LYZL1: variants seen among roughly 807,000 people sequenced by gnomAD.
LYZL1 encodes the protein lysozyme-like protein 1.
A neutral mutation model predicts 17.9 loss-of-function variants in LYZL1; 16 were observed. The observed-to-expected ratio is 0.90, with a 90% CI of 0.61 to 1.36. LYZL1 has a LOEUF of 1.36. LYZL1 is among the 40% of genes most tolerant of loss of function. The pLI, the probability that LYZL1 is intolerant of heterozygous loss-of-function variation, is 0.00. For synonymous variants in LYZL1, 58 were observed against 71.8 expected (o/e 0.81, Z 0.97); for missense variants, 149 against 188.4 (o/e 0.79, Z 1.22).
chr10:29,290,879 G>T (rs1835354467), intron 1 of LYZL1, among the ~76,000 whole-genome samples: 1 of 152,064 alleles, frequency 6.6e-6, no homozygotes, highest in Non-Finnish European at 1.5e-5. Flanking sequence ...TACTTTGGAA[G>T]CAAAGCTCCC....
At chr10:29,309,368 A>G (rs1314810635) in intron 3 of LYZL1, among the ~76,000 whole-genome samples, 1 of 151,984 alleles carries the variant, frequency 6.6e-6, no homozygotes, top group Non-Finnish European at 1.5e-5. Context: ...ACAAAACAAA[A>G]CCCTGGATAA....
intron 3 of LYZL1, among the ~76,000 whole-genome samples, chr10:29,297,201 T>C (rs1297293191): frequency 6.6e-6 from 1 of 150,902 alleles, no homozygotes; most frequent in African/African-American, 2.4e-5. Context: ...GAAGATAACA[T>C]TGAAGAAATC....
intron 3 of LYZL1, among the ~76,000 whole-genome samples, chr10:29,295,794 T>C (rs563671057): frequency 6.6e-6 from 1 of 152,292 alleles, no homozygotes; most frequent in South Asian, 2.1e-4. Flanking sequence ...TCACCCATCA[T>C]TGCTGGCTGT....
chr10:29,293,907 G>C (rs935537802), intron 3 of LYZL1, among the ~76,000 whole-genome samples: 1 of 151,966 alleles, frequency 6.6e-6, no homozygotes, highest in African/African-American at 2.4e-5. Flanking sequence ...CCGGGAGGTG[G>C]AGGTTGCAGT....
Position 29,311,203 on chromosome 10 carries a change from A to T in LYZL1, c.*144A>T. ...AAAATTAAGCTATACTTTTAAGAAA[A>T]TAAATATTTCCATTTAAATGTCTTC... On this transcript the variant is annotated 3_prime_UTR_variant, in exon 5 of 5. Coordinates refer to ENST00000649382, the MANE Select transcript of LYZL1 (RefSeq NM_032517.6). The T allele has an allele frequency of 1.3e-6, 2 of 1,584,916 alleles. No individual in the cohort carries two copies. Among genetic ancestry groups the T allele is most frequent in the South Asian group, 2.3e-5 (2 of 87,616 alleles).
At chr10:29,315,929 C>T (rs1176968718), downstream of LYZL1, among the ~76,000 whole-genome samples, 1 of 152,228 alleles carries the variant, frequency 6.6e-6, no homozygotes, top group Non-Finnish European at 1.5e-5. Flanking sequence ...GCTCAGCCCC[C>T]CGGTGATGCT....
Position 29,291,895 on chromosome 10 carries a change from A to G in LYZL1, c.28A>G (p.Ile10Val), listed in dbSNP as rs754886597. The G allele has an allele frequency of 4.5e-5, 71 of 1,592,064 alleles. No individual in the cohort carries two copies. The highest frequency in any genetic ancestry group is 1.8e-4 in the Middle Eastern group (1 of 5,584). The stretch of plus-strand genomic sequence containing the variant: ...GAAGGCTGCGGGCATTCTGACCCTC[A>G]TTGGCTGCCTGGTCACAGGCGCCGA... MKAAGILTL[I>V]GCLVTGAESK... The change falls in exon 2 of 5, where the codon ATT becomes GTT. Residue 10 changes from isoleucine (I) to valine (V), a missense_variant. Coordinates refer to ENST00000649382, the MANE Select transcript of LYZL1 (RefSeq NM_032517.6).
chr10:29,308,612 T>G (rs1257644780), intron 3 of LYZL1, among the ~76,000 whole-genome samples: 4 of 152,224 alleles, frequency 2.6e-5, no homozygotes, highest in Non-Finnish European at 5.9e-5. Context: ...CAGGAAAGAA[T>G]GCGGATATCA....
chr10:29,293,127 C>CTTTTCTTTT (rs1835397932), intron 3 of LYZL1, among the ~76,000 whole-genome samples: 3 of 104,196 alleles, frequency 2.9e-5, no homozygotes, highest in Non-Finnish European at 5.9e-5. Flanking sequence ...CTTTTCTTTT[C>CTTTTCTTTT]TTTTTTCTTT....
rs569845449 is a variant in LYZL1, at chr10:29,296,752, T to G, written c.298+4075T>G. Among the ~76,000 whole-genome samples, 3 of 152,206 alleles carry G rather than the reference T, an allele frequency of 2.0e-5. No individual in the cohort carries two copies. In the East Asian group the frequency reaches 5.8e-4, roughly 29 times the overall value. On this transcript the variant is annotated intron_variant, in intron 3 of 4. Coordinates refer to ENST00000649382, the MANE Select transcript of LYZL1 (RefSeq NM_032517.6). The stretch of plus-strand genomic sequence containing the variant: ...GGATCTGGCCAAATTGAAAGGAAAT[T>G]ACTAATGACTCTGAGTGGGACTCCC...
At chr10:29,296,477 C>G (rs1157353644) in intron 3 of LYZL1, among the ~76,000 whole-genome samples, 1 of 152,184 alleles carries the variant, frequency 6.6e-6, no homozygotes, top group Non-Finnish European at 1.5e-5. Context: ...AACATCCAGT[C>G]CCTTCCTGAG....
At chr10:29,289,774 G>A (rs1835336089) in intron 1 of LYZL1, among the ~76,000 whole-genome samples, 1 of 152,058 alleles carries the variant, frequency 6.6e-6, no homozygotes, top group Non-Finnish European at 1.5e-5. Context: ...ACACAGTGCT[G>A]TACACAGCGG....
chr10:29,295,061 C>T (rs889273498), intron 3 of LYZL1, among the ~76,000 whole-genome samples: 7 of 152,120 alleles, frequency 4.6e-5, no homozygotes, highest in Non-Finnish European at 7.4e-5. Flanking sequence ...AACTATTGTA[C>T]AAGATAATCA....
chr10:29,302,007 C>T (rs996109493), intron 3 of LYZL1, among the ~76,000 whole-genome samples: 1 of 152,044 alleles, frequency 6.6e-6, no homozygotes, highest in Admixed American at 6.6e-5. Context: ...TTTCGTATCT[C>T]TCATTTCATT....
downstream of LYZL1, among the ~76,000 whole-genome samples, chr10:29,311,667 T>C (rs1835674386): frequency 6.6e-6 from 1 of 152,196 alleles, no homozygotes; most frequent in Non-Finnish European, 1.5e-5. Flanking sequence ...AAGTTTTTCC[T>C]GACATATTTT....
At chr10:29,303,270 C>G (rs1392216550) in intron 3 of LYZL1, among the ~76,000 whole-genome samples, 1 of 152,156 alleles carries the variant, frequency 6.6e-6, no homozygotes, top group African/African-American at 2.4e-5. Context: ...ATGTCTGTCT[C>G]CTCCTCTTAG....
At chr10:29,290,470 C>T (rs1320753382) in intron 1 of LYZL1, among the ~76,000 whole-genome samples, 7 of 152,182 alleles carry the variant, frequency 4.6e-5, no homozygotes, top group African/African-American at 1.7e-4. Flanking sequence ...CAGTCAGGTG[C>T]CAGACTTTTA....
chr10:29,296,404 G>A (rs1835447027), intron 3 of LYZL1, among the ~76,000 whole-genome samples: 1 of 152,184 alleles, frequency 6.6e-6, no homozygotes, highest in South Asian at 2.1e-4. Flanking sequence ...ACTTCTGGAA[G>A]TTAGAATGAA....
intron 3 of LYZL1, among the ~76,000 whole-genome samples, 156 bp from the exon 4 acceptor site, chr10:29,309,954 G>A (rs1284200774): frequency 6.6e-5 from 10 of 152,330 alleles, no homozygotes; most frequent in African/African-American, 2.2e-4. Flanking sequence ...TTTTGAAGAA[G>A]CTTAATGAAA....
Sources: allele counts gnomAD v4.1 joint callset (sites outside exome capture counted in the v4.1 genomes callset), GRCh38; gene constraint gnomAD v4.1.1; transcripts MANE v1.5; gene names NCBI Gene and HGNC (gene_info 2026-07-23, HGNC 2026-07-21).